The following FILIP1 variants were observed in gnomAD, a reference collection of about 807,000 sequenced individuals.
FILIP1 encodes the protein filamin-A-interacting protein 1.
In FILIP1, 61 loss-of-function variants were observed where a neutral mutation model predicts 102.1. The ratio of observed to expected loss-of-function variants is 0.60; its 90% CI spans 0.49 to 0.74. The LOEUF (loss-of-function observed/expected upper bound fraction) is 0.74. Ranked by LOEUF, FILIP1 falls within the 30% of genes least tolerant of loss-of-function variation. The pLI, the probability that FILIP1 is intolerant of heterozygous loss-of-function variation, is 0.00. For missense variants in FILIP1, 1,314 were observed against 1,441.2 expected (o/e 0.91, Z 1.43); for synonymous variants, 491 against 526.9 (o/e 0.93, Z 0.93).
chr6:75,332,046 A>G (rs1205977573), intron 4 of FILIP1, among the ~76,000 whole-genome samples: 1 of 152,082 alleles, frequency 6.6e-6, no homozygotes, highest in Non-Finnish European at 1.5e-5. Context: ...CTGTGCTGGC[A>G]CCCTGATCTC....
At chr6:75,434,594 C>T (rs893058871) in intron 1 of FILIP1, among the ~76,000 whole-genome samples, 19 of 152,170 alleles carry the variant, frequency 1.2e-4, no homozygotes, top group African/African-American at 3.9e-4. Flanking sequence ...GGGGCTGAGA[C>T]GATGGGGTTT....
At chr6:75,304,444 G>A (rs879504610), downstream of FILIP1, among the ~76,000 whole-genome samples, 25 of 152,112 alleles carry the variant, frequency 1.6e-4, no homozygotes, top group Non-Finnish European at 3.1e-4. Flanking sequence ...TCAAACTCCT[G>A]AGCTCTAGTC....
At chr6:75,444,796 A>G (rs181789911) in intron 1 of FILIP1, among the ~76,000 whole-genome samples, 1 of 152,304 alleles carries the variant, frequency 6.6e-6, no homozygotes, top group East Asian at 1.9e-4. Flanking sequence ...TCCTGTGTAT[A>G]TGTGTATTTG....
At chr6:75,381,729 T>C (rs1775911260) in intron 2 of FILIP1, among the ~76,000 whole-genome samples, 1 of 152,180 alleles carries the variant, frequency 6.6e-6, no homozygotes, top group Admixed American at 6.5e-5. Context: ...TGTAATATAT[T>C]TTGCAGGAAA....
intron 1 of FILIP1, among the ~76,000 whole-genome samples, chr6:75,492,962 T>C (rs990604651): frequency 2.0e-5 from 3 of 152,204 alleles, no homozygotes; most frequent in Non-Finnish European, 2.9e-5. Flanking sequence ...GTTTAAAAAG[T>C]ACAGCAATAC....
chr6:75,394,694 C>A (rs1444606908), intron 2 of FILIP1, among the ~76,000 whole-genome samples: 3 of 152,122 alleles, frequency 2.0e-5, no homozygotes, highest in Non-Finnish European at 4.4e-5. Flanking sequence ...TTCAACCTTA[C>A]TCATAAGAGA....
intron 2 of FILIP1, chr6:75,385,814 T>C (rs542219275): frequency 6.6e-6 from 1 of 151,846 alleles, no homozygotes; most frequent in East Asian, 1.9e-4. Context: ...TTACATATCA[T>C]GGTCCCATTA....
At chr6:75,365,986 C>G (rs1775315590) in intron 2 of FILIP1, 1 of 152,182 alleles carries the variant, frequency 6.6e-6, no homozygotes, top group African/African-American at 2.4e-5. Context: ...ACAAAAATTG[C>G]TCAAGGATTA....
downstream of FILIP1, among the ~76,000 whole-genome samples, chr6:75,304,896 A>G (rs533386715): frequency 6.6e-6 from 1 of 152,290 alleles, no homozygotes; most frequent in East Asian, 1.9e-4. Context: ...TTTCTTTATT[A>G]AAAATAAAAA....
chr6:75,469,323 A>C (rs1253709139), intron 1 of FILIP1, among the ~76,000 whole-genome samples: 2 of 152,090 alleles, frequency 1.3e-5, no homozygotes, highest in Non-Finnish European at 2.9e-5. Flanking sequence ...TATTTCATTC[A>C]AGTGCTAATT....
chr6:75,443,218 T>A (rs542479857), intron 1 of FILIP1, among the ~76,000 whole-genome samples: 1 of 152,294 alleles, frequency 6.6e-6, no homozygotes, highest in East Asian at 1.9e-4. Flanking sequence ...ATTATCCAAA[T>A]TATACTATTT....
intron 1 of FILIP1, among the ~76,000 whole-genome samples, chr6:75,421,738 T>A (rs558875095): frequency 1.3e-4 from 20 of 152,186 alleles, no homozygotes; most frequent in Non-Finnish European, 2.4e-4. Flanking sequence ...ATTAATCTTG[T>A]TGACTCATCT....
intron 1 of FILIP1, among the ~76,000 whole-genome samples, chr6:75,422,828 A>G (rs939761579): frequency 2.0e-5 from 3 of 152,158 alleles, no homozygotes; most frequent in African/African-American, 7.2e-5. Context: ...ATTTTAATGT[A>G]CATTTCTTGC....
intron 1 of FILIP1, among the ~76,000 whole-genome samples, chr6:75,478,650 T>C (rs1050870441): frequency 2.0e-5 from 3 of 152,132 alleles, no homozygotes; most frequent in Admixed American, 2.0e-4. Flanking sequence ...TAGGAAGATA[T>C]GAGCCACAGC....
At chr6:75,401,366 C>G (rs1776651346) in intron 2 of FILIP1, among the ~76,000 whole-genome samples, 1 of 152,116 alleles carries the variant, frequency 6.6e-6, no homozygotes, top group Non-Finnish European at 1.5e-5. Context: ...GGTCTTTTCT[C>G]TCTTACCACC....
intron 2 of FILIP1, among the ~76,000 whole-genome samples, chr6:75,406,791 C>T (rs1776867468): frequency 6.6e-6 from 1 of 151,638 alleles, no homozygotes; most frequent in South Asian, 2.1e-4. Context: ...TCCTGAGTAG[C>T]TGGGATTACA....
chr6:75,331,877 G>A (rs1425689242), intron 4 of FILIP1, among the ~76,000 whole-genome samples: 1 of 152,138 alleles, frequency 6.6e-6, no homozygotes, highest in Non-Finnish European at 1.5e-5. Flanking sequence ...CTGGTATTAA[G>A]AGTTGTGGCC....
intron 6 of FILIP1, among the ~76,000 whole-genome samples, chr6:75,296,341 TTGTGTGTGTGTGTGTG>T (rs57430339): frequency 2.1e-4 from 30 of 141,536 alleles, no homozygotes; most frequent in African/African-American, 6.1e-4. Flanking sequence ...TTCAATTTCT[TTGTGTGTGTGTGTGTG>T]TGTGTGTGTG....
rs1260156651 is a variant in FILIP1, at chr6:75,314,886, C to T, written c.946G>A (p.Glu316Lys). 2 of 1,614,000 alleles carry T rather than the reference C, an allele frequency of 1.2e-6. No homozygotes were observed. The highest frequency in any genetic ancestry group is 1.7e-6 in the Non-Finnish European group (2 of 1,180,028). ...TGATTAGCCAGTTTAGCGTTCATCT[C>T]TTCATGCTCTTGAGAAAACCTCGAA... ...KASRFSQEHE[E>K]MNAKLANQES... Residue 316 changes from glutamate (E) to lysine (K), a missense_variant, in exon 5 of 6, where the codon GAG becomes AAG. Around this residue, in one of 3 missense-constraint regions of FILIP1, gnomAD observed 494 missense variants for 511.2 expected, o/e 0.97. Transcript: ENST00000237172.
Sources: gnomAD v4.1 joint callset for allele counts (sites outside exome capture counted in the v4.1 genomes callset) on GRCh38, gnomAD v4.1.1 for gene constraint, gnomAD v4.1.1 regional missense constraint, MANE v1.5 for transcripts, NCBI Gene and HGNC (gene_info 2026-07-23, HGNC 2026-07-21) for gene names.